The following PDE4D variants were observed in gnomAD, a reference collection of about 807,000 sequenced individuals.
PDE4D encodes the protein 3',5'-cyclic-AMP phosphodiesterase 4D.
PDE4D carries 24 observed loss-of-function variants against 87.4 expected under a neutral mutation model. The ratio of observed to expected loss-of-function variants is 0.27; its 90% CI spans 0.20 to 0.39. PDE4D has a LOEUF of 0.39. Among genes scored for constraint, PDE4D ranks in the 10% least tolerant of loss-of-function variants. PDE4D has a pLI of 1.00. For synonymous variants in PDE4D, 384 were observed against 383.2 expected (o/e 1.00, Z -0.02); for missense variants, 714 against 1,041.0 (o/e 0.69, Z 4.32).
intron 1 of PDE4D, among the ~76,000 whole-genome samples, chr5:60,446,163 T>C (rs1312070655): frequency 6.6e-6 from 1 of 152,054 alleles, no homozygotes; most frequent in Non-Finnish European, 1.5e-5. Flanking sequence ...TACGGGAAAA[T>C]GTGCCCTCTC....
chr5:60,133,694 A>G (rs554881241), intron 2 of PDE4D, among the ~76,000 whole-genome samples: 11 of 152,318 alleles, frequency 7.2e-5, no homozygotes, highest in African/African-American at 2.2e-4. Context: ...CGTTTCCATT[A>G]ACAGGTAGAT....
chr5:60,100,249 A>G (rs1322457873), intron 2 of PDE4D, among the ~76,000 whole-genome samples: 2 of 152,056 alleles, frequency 1.3e-5, no homozygotes, highest in Non-Finnish European at 2.9e-5. Context: ...TACATATAGA[A>G]ACACTGAAAA....
intron 1 of PDE4D, among the ~76,000 whole-genome samples, chr5:59,244,192 G>T (rs1214713429): frequency 6.6e-6 from 1 of 151,942 alleles, no homozygotes; most frequent in Non-Finnish European, 1.5e-5. Flanking sequence ...CACTTCAGGA[G>T]TTCAAGACCA....
intron 3 of PDE4D, among the ~76,000 whole-genome samples, chr5:59,949,602 C>G (rs775961525): frequency 6.6e-6 from 1 of 152,048 alleles, no homozygotes; most frequent in Non-Finnish European, 1.5e-5. Flanking sequence ...CCTCTATGAC[C>G]AAGTGGGCCT....
At chr5:59,208,376 C>A (rs889132062) in intron 2 of PDE4D, among the ~76,000 whole-genome samples, 2 of 152,156 alleles carry the variant, frequency 1.3e-5, no homozygotes, top group African/African-American at 2.4e-5. Context: ...TTATAACTAA[C>A]ATTTATCCCT....
chr5:59,370,619 G>A (rs963672712), intron 1 of PDE4D, among the ~76,000 whole-genome samples: 3 of 151,914 alleles, frequency 2.0e-5, no homozygotes, highest in Non-Finnish European at 4.4e-5. Flanking sequence ...TAACCATCAC[G>A]ACACACATTT....
chr5:60,122,437 G>A (rs955170929), intron 2 of PDE4D, among the ~76,000 whole-genome samples: 3 of 152,196 alleles, frequency 2.0e-5, no homozygotes, highest in African/African-American at 4.8e-5. Context: ...GGAGGTTCCC[G>A]AACTTCAATT....
chr5:59,238,933 T>C (rs889644173), intron 1 of PDE4D, among the ~76,000 whole-genome samples: 1 of 152,176 alleles, frequency 6.6e-6, no homozygotes, highest in Non-Finnish European at 1.5e-5. Flanking sequence ...ATTTATTGCC[T>C]AGAGACAACG....
intron 3 of PDE4D, among the ~76,000 whole-genome samples, chr5:59,906,575 G>A (rs1047798071): frequency 3.3e-5 from 5 of 152,106 alleles, no homozygotes; most frequent in Admixed American, 6.6e-5. Flanking sequence ...GTATGACAGA[G>A]ACTGTATATC....
At chr5:60,430,386 C>G in intron 1 of PDE4D, 1 of 385,496 alleles carries the variant, frequency 2.6e-6, no homozygotes, top group African/African-American at 2.1e-5. Flanking sequence ...TCTACTCCAG[C>G]CCCTTGGCCT....
At chr5:59,629,151 G>A (rs1225658225) in intron 1 of PDE4D, among the ~76,000 whole-genome samples, 1 of 152,026 alleles carries the variant, frequency 6.6e-6, no homozygotes, top group Non-Finnish European at 1.5e-5. Context: ...ATTTTGGTGG[G>A]GACACAGCCA....
chr5:60,264,654 T>A (rs539594492), intron 1 of PDE4D, among the ~76,000 whole-genome samples: 2 of 152,294 alleles, frequency 1.3e-5, no homozygotes, highest in East Asian at 1.9e-4. Flanking sequence ...GAAAAGTACA[T>A]CAATCTAACA....
intron 1 of PDE4D, among the ~76,000 whole-genome samples, chr5:59,756,850 T>C (rs545922092): frequency 1.4e-3 from 216 of 150,012 alleles, no homozygotes; most frequent in Middle Eastern, 6.8e-3. Flanking sequence ...TCCTCTGTTG[T>C]GCAATGGTGC....
intron 2 of PDE4D, among the ~76,000 whole-genome samples, chr5:60,106,532 C>T (rs1776940116): frequency 6.6e-6 from 1 of 152,050 alleles, no homozygotes; most frequent in Admixed American, 6.5e-5. Context: ...CAGAACTCTC[C>T]ACCCCAAATC....
intron 2 of PDE4D, among the ~76,000 whole-genome samples, chr5:60,045,303 T>G (rs1258387613): frequency 6.6e-6 from 1 of 151,970 alleles, no homozygotes; most frequent in Non-Finnish European, 1.5e-5. Flanking sequence ...TTTCTCCCAT[T>G]TTGTAGGTTG....
chr5:59,644,157 G>A (rs1742070084), intron 1 of PDE4D, among the ~76,000 whole-genome samples: 2 of 152,184 alleles, frequency 1.3e-5, no homozygotes, highest in African/African-American at 2.4e-5. Context: ...TATCTATTTC[G>A]TGGCTGGATG....
rs1344721107 is a variant in PDE4D, at chr5:59,030,709, C to T, written c.921+8150G>A. ...TCACGCCACTGCACTCCAGCCTGAACAAAAGAGCAAGACCCTGTCTCAAAA... is the reference window on the plus strand; with the variant it reads ...TCACGCCACTGCACTCCAGCCTGAATAAAAGAGCAAGACCCTGTCTCAAAA... On this transcript the variant is annotated intron_variant, in intron 6 of 14. Transcript: ENST00000340635. Among the ~76,000 whole-genome samples the T allele has an allele frequency of 5.3e-5, 8 of 152,040 alleles. No homozygotes were observed. The South Asian group carries it at 1.7e-3, about 32-fold the overall frequency.
At chr5:59,938,362 GA>G (rs1756833275) in intron 3 of PDE4D, among the ~76,000 whole-genome samples, 1 of 152,148 alleles carries the variant, frequency 6.6e-6, no homozygotes, top group Non-Finnish European at 1.5e-5. Context: ...ACAATGGGCT[GA>G]AAAGAGGGAT....
chr5:59,624,242 C>T lies in PDE4D; in HGVS notation c.455+268926G>A, dbSNP rs565034414. On this transcript the variant is annotated intron_variant, in intron 1 of 14. Coordinates refer to ENST00000340635, the MANE Select transcript of PDE4D (RefSeq NM_001104631.2). ...TTCAGGACGTTTCTCCTAATTCCAT[C>T]CCCTGTTCCATCCTTTGGGGCCTTC... Among the ~76,000 whole-genome samples, 4 of 152,302 alleles carry T rather than the reference C, an allele frequency of 2.6e-5. No homozygotes were observed. In the East Asian group the frequency reaches 5.8e-4, roughly 22 times the overall value.
Sources: gnomAD v4.1 joint callset for allele counts (sites outside exome capture counted in the v4.1 genomes callset) on GRCh38, gnomAD v4.1.1 for gene constraint, MANE v1.5 for transcripts, NCBI Gene and HGNC (gene_info 2026-07-23, HGNC 2026-07-21) for gene names.